CTNNA2: variants seen among roughly 807,000 people sequenced by gnomAD.
CTNNA2 encodes catenin alpha-2.
Under a neutral mutation model 101.0 loss-of-function variants are expected in CTNNA2, and 42 were observed. That is an observed-to-expected ratio of 0.42 (90% CI 0.32 to 0.54). The LOEUF is 0.54. Among genes scored for constraint, CTNNA2 ranks in the 20% least tolerant of loss-of-function variants. The pLI, the probability that CTNNA2 is intolerant of heterozygous loss-of-function variation, is 0.14. For missense variants in CTNNA2, 871 were observed against 1,223.1 expected, an observed-to-expected ratio of 0.71 and a Z score of 4.29; for synonymous variants, 450 against 456.4, an observed-to-expected ratio of 0.99 and a Z score of 0.18.
chr2:79,249,697 G>C (rs986080329), intron 2 of CTNNA2, among the ~76,000 whole-genome samples: 3 of 152,126 alleles, frequency 2.0e-5, no homozygotes, highest in Non-Finnish European at 4.4e-5. Context: ...CATAGTCTTT[G>C]CATCCCTTTT....
intron 3 of CTNNA2, among the ~76,000 whole-genome samples, chr2:79,809,579 A>C (rs2105330430): frequency 6.6e-6 from 1 of 152,202 alleles, no homozygotes; most frequent in South Asian, 2.1e-4. Flanking sequence ...TAGCTGCATA[A>C]ATGTCTTCTT....
chr2:80,388,298 T>C (rs1412301729), intron 7 of CTNNA2, among the ~76,000 whole-genome samples: 1 of 152,074 alleles, frequency 6.6e-6, no homozygotes, highest in Non-Finnish European at 1.5e-5. Flanking sequence ...AATGAGGAGG[T>C]GGGCAAAGAA....
intron 3 of CTNNA2, among the ~76,000 whole-genome samples, chr2:79,793,888 G>GCACACA (rs71385299): frequency 0.13 from 18,720 of 142,562 alleles, 1,208 homozygotes; most frequent in East Asian, 0.2. Flanking sequence ...ACACACTCAT[G>GCACACA]CACACACACA....
chr2:79,865,539 G>A (rs1335645627), intron 4 of CTNNA2, among the ~76,000 whole-genome samples: 3 of 150,886 alleles, frequency 2.0e-5, no homozygotes, highest in African/African-American at 7.4e-5. Context: ...AATCATAACA[G>A]CAACGATTTC....
intron 7 of CTNNA2, among the ~76,000 whole-genome samples, chr2:80,177,161 C>A (rs1398854938): frequency 6.6e-6 from 1 of 152,128 alleles, no homozygotes; most frequent in Non-Finnish European, 1.5e-5. Context: ...GTTTCATGAG[C>A]ACAAGCCCAC....
At chr2:79,284,475 G>T (rs1035662746) in intron 2 of CTNNA2, among the ~76,000 whole-genome samples, 1 of 151,372 alleles carries the variant, frequency 6.6e-6, no homozygotes, top group Admixed American at 6.6e-5. Context: ...ATGAAGGGTT[G>T]TTGAATTTTG....
At chr2:79,240,121 A>G (rs927424388) in intron 2 of CTNNA2, among the ~76,000 whole-genome samples, 5 of 151,632 alleles carry the variant, frequency 3.3e-5, no homozygotes, top group Non-Finnish European at 7.4e-5. Context: ...TTGGTCAGAC[A>G]GGTCTCGAAC....
At chr2:80,601,421 C>CTTTTTTTTTTTTTTTTTTTTTTTTTTTTT (rs56921519) in intron 15 of CTNNA2, among the ~76,000 whole-genome samples, 9 of 84,406 alleles carry the variant, frequency 1.1e-4, no homozygotes, top group South Asian at 4.0e-4. Context: ...TTCTTTCTTT[C>CTTTTTTTTTTTTTTTTTTTTTTTTTTTTT]TTTTTTTTTT....
chr2:80,476,072 A>AT (rs1357667499), intron 9 of CTNNA2, among the ~76,000 whole-genome samples: 1 of 151,972 alleles, frequency 6.6e-6, no homozygotes, highest in East Asian at 1.9e-4. Flanking sequence ...TTATCTCTTT[A>AT]TTTTTTTACA....
intron 4 of CTNNA2, among the ~76,000 whole-genome samples, chr2:79,403,583 A>T (rs977361850): frequency 6.6e-6 from 1 of 151,986 alleles, no homozygotes; most frequent in Non-Finnish European, 1.5e-5. Flanking sequence ...AAAATTAACT[A>T]CAAAAACCAG....
At chr2:80,546,143 A>C in intron 11 of CTNNA2, 80 bp downstream of exon 11, 35 of 1,534,584 alleles carry the variant, frequency 2.3e-5, no homozygotes, top group Non-Finnish European at 2.9e-5. Context: ...CGCAAATGTC[A>C]TGGATCTGTG....
chr2:79,761,401 A>G (rs1328357916), intron 3 of CTNNA2, among the ~76,000 whole-genome samples: 1 of 152,212 alleles, frequency 6.6e-6, no homozygotes, highest in Non-Finnish European at 1.5e-5. Flanking sequence ...TAAATAACTA[A>G]TGCTATGTAA....
intron 4 of CTNNA2, among the ~76,000 whole-genome samples, chr2:79,471,580 T>C (rs1670999680): frequency 6.6e-6 from 1 of 152,138 alleles, no homozygotes; most frequent in Non-Finnish European, 1.5e-5. Flanking sequence ...GGCTCACGCC[T>C]GCAATCCCAG....
intron 4 of CTNNA2, among the ~76,000 whole-genome samples, chr2:79,394,735 C>T (rs1484472002): frequency 6.6e-6 from 1 of 152,148 alleles, no homozygotes; most frequent in East Asian, 1.9e-4. Flanking sequence ...GCCTGAATTA[C>T]ATAGTTCATC....
intron 7 of CTNNA2, among the ~76,000 whole-genome samples, chr2:80,347,854 T>TTTTTC (rs1242336723): frequency 6.6e-6 from 1 of 151,500 alleles, no homozygotes; most frequent in African/African-American, 2.4e-5. Context: ...TTTTTTTTTT[T>TTTTTC]CCAGAAGGGT....
Position 80,203,124 on chromosome 2 carries a change from A to G in CTNNA2, c.1057-190087A>G, listed in dbSNP as rs539686216. The stretch of plus-strand genomic sequence containing the variant: ...AATCATCTCCCACCTGGTCCCTCCC[A>G]TAACACATGGGAATTATGGGAACTA... On this transcript the variant is annotated intron_variant, in intron 7 of 18. Coordinates refer to ENST00000402739, the MANE Select transcript of CTNNA2 (RefSeq NM_001282597.3). Among the ~76,000 whole-genome samples the G allele has an allele frequency of 7.2e-5, 11 of 152,304 alleles. No homozygotes were observed. In the South Asian group the frequency reaches 2.3e-3, roughly 32 times the overall value.
chr2:79,980,795 T>C (rs1026925158), intron 7 of CTNNA2, among the ~76,000 whole-genome samples: 1 of 152,196 alleles, frequency 6.6e-6, no homozygotes, highest in African/African-American at 2.4e-5. Context: ...AAATAAAAGC[T>C]GCATGATCAT....
At chr2:80,604,399 T>C (rs564723341) in intron 16 of CTNNA2, among the ~76,000 whole-genome samples, 3 of 152,042 alleles carry the variant, frequency 2.0e-5, no homozygotes, top group South Asian at 4.2e-4. Context: ...CTGACCAAAA[T>C]TCCTTGAGAA....
chr2:79,521,685 G>T (rs1290173031), intron 1 of CTNNA2, among the ~76,000 whole-genome samples: 1 of 152,152 alleles, frequency 6.6e-6, no homozygotes, highest in Non-Finnish European at 1.5e-5. Context: ...AGCAGTGTTT[G>T]TTACAATTTG....
Sources: gnomAD v4.1 joint callset for allele counts (sites outside exome capture counted in the v4.1 genomes callset) on GRCh38, gnomAD v4.1.1 for gene constraint, MANE v1.5 for transcripts, NCBI Gene and HGNC (gene_info 2026-07-23, HGNC 2026-07-21) for gene names.